CCDC198: variants seen among roughly 807,000 people sequenced by gnomAD.
The protein encoded by CCDC198 is coiled-coil domain containing 198.
A neutral mutation model predicts 35.6 loss-of-function variants in CCDC198; 18 were observed. The ratio of observed to expected loss-of-function variants is 0.51; its 90% CI spans 0.35 to 0.75. CCDC198 has a LOEUF of 0.75. Among genes scored for constraint, CCDC198 ranks in the 30% least tolerant of loss-of-function variants. CCDC198 has a pLI of 0.01. For missense variants in CCDC198, 365 were observed against 343.7 expected, an observed-to-expected ratio of 1.06 and a Z score of -0.49; for synonymous variants, 119 against 113.4, an observed-to-expected ratio of 1.05 and a Z score of -0.31.
chr14:57,490,923 G>A (rs1270715144), intron 2 of CCDC198, 66 bp downstream of exon 2: 5 of 1,337,624 alleles, frequency 3.7e-6, no homozygotes, highest in African/African-American at 2.8e-5. Flanking sequence ...GATGATTATA[G>A]TTTAAAAAGG....
At chr14:57,486,399 C>G (rs2067359031) in intron 2 of CCDC198, among the ~76,000 whole-genome samples, 1 of 152,014 alleles carries the variant, frequency 6.6e-6, no homozygotes, top group South Asian at 2.1e-4. Flanking sequence ...GCAAGTGTGT[C>G]CAGCTCCAAA....
chr14:57,480,821 G>T, intron 4 of CCDC198, 67 bp from the exon 5 acceptor site: 1 of 1,532,170 alleles, frequency 6.5e-7, no homozygotes, highest in Non-Finnish European at 9.0e-7. Context: ...TAGATCAACA[G>T]ATCAGCCACT....
chr14:57,473,235 C>A (rs2066876021), intron 5 of CCDC198, among the ~76,000 whole-genome samples: 2 of 152,110 alleles, frequency 1.3e-5, no homozygotes, highest in South Asian at 2.1e-4. Context: ...ATTGTTGTTG[C>A]CTATTTAGAT....
chr14:57,479,289 T>A (rs114842440), intron 5 of CCDC198, among the ~76,000 whole-genome samples: 1,532 of 152,288 alleles, frequency 0.01, 26 homozygotes, highest in African/African-American at 0.035. Context: ...GGCCTTGTTA[T>A]GTTGGCCAGG....
chr14:57,478,751 T>C, intron 5 of CCDC198: 1 of 1,068,946 alleles, frequency 9.4e-7, no homozygotes, highest in Non-Finnish European at 1.1e-6. Flanking sequence ...GACTTGGAAG[T>C]ATAGGTTAAA....
chr14:57,479,490 C>T (rs766764126), intron 5 of CCDC198, among the ~76,000 whole-genome samples: 1 of 152,164 alleles, frequency 6.6e-6, no homozygotes, highest in Non-Finnish European at 1.5e-5. Context: ...TATGAGATTA[C>T]TCTGATGTTA....
intron 2 of CCDC198, among the ~76,000 whole-genome samples, chr14:57,484,795 A>G (rs914793926): frequency 6.6e-6 from 1 of 152,222 alleles, no homozygotes; most frequent in African/African-American, 2.4e-5. Flanking sequence ...AGACACTGAC[A>G]TGCGTTAAGC....
Position 57,470,773 on chromosome 14 carries a change from G to A in CCDC198, c.*582C>T, listed in dbSNP as rs1226763874. 6.6e-6 allele frequency: 1 copy of A among 152,430 alleles called. No homozygotes were observed. Among genetic ancestry groups the A allele is most frequent in the Non-Finnish European group, 1.5e-5 (1 of 68,196 alleles). The allele number at this position is 152,430 out of a possible 1,614,324, so 9.4% of individuals were successfully genotyped here. On this transcript the variant is annotated 3_prime_UTR_variant, in exon 6 of 6. Coordinates refer to ENST00000216445, the MANE Select transcript of CCDC198 (RefSeq NM_018168.4). Reference sequence around the variant, plus strand: ...TCCTCTTCTGCATTAACTCCAAGCTGGTCTATGACTTTAACCAACAGAACA... The same window carrying A: ...TCCTCTTCTGCATTAACTCCAAGCTAGTCTATGACTTTAACCAACAGAACA...
intron 2 of CCDC198, among the ~76,000 whole-genome samples, chr14:57,489,053 A>G (rs750926684): frequency 6.6e-5 from 10 of 152,186 alleles, no homozygotes; most frequent in Non-Finnish European, 1.2e-4. Flanking sequence ...AAATCATTCT[A>G]TTATAAAGAT....
intron 5 of CCDC198, among the ~76,000 whole-genome samples, chr14:57,478,034 G>A (rs979807505): frequency 6.6e-6 from 1 of 152,076 alleles, no homozygotes; most frequent in African/African-American, 2.4e-5. Context: ...CTGAGCTTTT[G>A]TGCACTACTG....
At chr14:57,492,983 C>T (rs2067626808) in intron 1 of CCDC198, among the ~76,000 whole-genome samples, 1 of 152,110 alleles carries the variant, frequency 6.6e-6, no homozygotes. Context: ...AAGGGTGACT[C>T]ATCCACTCCT....
rs2066779956 is a variant in CCDC198 at position 57,469,507 on chromosome 14, A to C, written c.*1848T>G. 6.6e-6 allele frequency: 1 copy of C among 152,232 alleles called. No individual in the cohort carries two copies. Among genetic ancestry groups the C allele is most frequent in the Non-Finnish European group, 1.5e-5 (1 of 68,038 alleles). 9.4% of individuals were successfully genotyped at this position (152,232 alleles called of 1,614,324 possible). A position where few individuals can be genotyped will look rare whatever the true frequency, so the allele number is the denominator to read the frequency against. On this transcript the variant is annotated 3_prime_UTR_variant, in exon 6 of 6. Coordinates refer to ENST00000216445, the MANE Select transcript of CCDC198 (RefSeq NM_018168.4). ...TTTGGCTCCACTAATTTTAGTGTTCAAAGTTATCCATCCCATTTTTTGTGT... is the reference window on the plus strand; with the variant it reads ...TTTGGCTCCACTAATTTTAGTGTTCCAAGTTATCCATCCCATTTTTTGTGT...
chr14:57,485,978 T>C, intron 2 of CCDC198, among the ~76,000 whole-genome samples: 1 of 152,046 alleles, frequency 6.6e-6, no homozygotes, highest in Non-Finnish European at 1.5e-5. Context: ...GACATGAAGA[T>C]GCAAAGCAAA....
chr14:57,478,797 T>G, intron 5 of CCDC198: 1 of 1,109,298 alleles, frequency 9.0e-7, no homozygotes, highest in Non-Finnish European at 1.1e-6. Context: ...TATTCAGCCT[T>G]TTCTTATTTA....
chr14:57,486,230 G>A (rs919549892), intron 2 of CCDC198, among the ~76,000 whole-genome samples: 1 of 152,124 alleles, frequency 6.6e-6, no homozygotes, highest in East Asian at 1.9e-4. Flanking sequence ...ATATGCCTTC[G>A]CAGCCATTAC....
Position 57,493,845 on chromosome 14 carries a change from T to C in CCDC198, c.-130A>G, listed in dbSNP as rs2067662062. The C allele has an allele frequency of 2.8e-6, 2 of 704,160 alleles. No homozygotes were observed. Among genetic ancestry groups the C allele is most frequent in the African/African-American group, 1.8e-5 (1 of 55,760 alleles). 43.6% of individuals were successfully genotyped at this position (704,160 alleles called of 1,614,324 possible). A position where few individuals can be genotyped will look rare whatever the true frequency, so the allele number is the denominator to read the frequency against. On this transcript the variant is annotated 5_prime_UTR_variant, in exon 1 of 6. The change abolishes an upstream ATG in the 5' untranslated region. Coordinates refer to ENST00000216445, the MANE Select transcript of CCDC198 (RefSeq NM_018168.4). ...CAAAGCAGTCATTTCCTTCATGGCA[T>C]CCTTCTAGCTCTGTTTCACTGCACA... is the stretch of plus-strand genomic sequence containing the variant.
intron 2 of CCDC198, among the ~76,000 whole-genome samples, chr14:57,486,105 G>T (rs911887883): frequency 6.6e-6 from 1 of 152,142 alleles, no homozygotes; most frequent in African/African-American, 2.4e-5. Flanking sequence ...GCACCTATGG[G>T]AGGAAGAATC....
In CCDC198 at chr14:57,470,836, T is replaced by A. The variant is rs2066800330; in HGVS notation, c.*519A>T. 6.5e-6 allele frequency: 1 copy of A among 153,322 alleles called. No individual in the cohort carries two copies. The highest frequency in any genetic ancestry group is 1.5e-5 in the Non-Finnish European group (1 of 68,802). 9.5% of individuals were successfully genotyped at this position (153,322 alleles called of 1,614,324 possible). On this transcript the variant is annotated 3_prime_UTR_variant, in exon 6 of 6. Coordinates refer to ENST00000216445, the MANE Select transcript of CCDC198 (RefSeq NM_018168.4). ...TGCAAAGTCAGTTCTATGACTAGCTTTTAAGAAGACTGGCAACTTCTGTTT... is the reference window on the plus strand; with the variant it reads ...TGCAAAGTCAGTTCTATGACTAGCTATTAAGAAGACTGGCAACTTCTGTTT...
rs1351167088 is a variant in CCDC198, at chr14:57,471,572, T to G, written c.674A>C (p.Glu225Ala). Residue 225 changes from glutamate to alanine, a missense_variant, in exon 6 of 6, where the codon GAA (glutamate) becomes GCA (alanine). Coordinates refer to ENST00000216445, the MANE Select transcript of CCDC198 (RefSeq NM_018168.4). ...NRGPGNSKNT[E>A]FLKHQAVNNY... ...ATTCACTGCTTGATGTTTCAAAAATTCTGTATTCTTTGAATTTCCTACAAA... is the reference window on the plus strand; with the variant it reads ...ATTCACTGCTTGATGTTTCAAAAATGCTGTATTCTTTGAATTTCCTACAAA... 1 of 1,583,332 alleles carries G rather than the reference T, an allele frequency of 6.3e-7. No homozygotes were observed. The highest frequency in any genetic ancestry group is 1.4e-5 in the African/African-American group (1 of 73,740).
Sources: gnomAD v4.1 joint callset for allele counts (sites outside exome capture counted in the v4.1 genomes callset) on GRCh38, gnomAD v4.1.1 for gene constraint, MANE v1.5 for transcripts, NCBI Gene and HGNC (gene_info 2026-07-23, HGNC 2026-07-21) for gene names.